Variants in SPOCK1 observed in about 807,000 individuals in gnomAD.
The protein encoded by SPOCK1 is SPARC (osteonectin), cwcv and kazal like domains proteoglycan 1.
In SPOCK1, 23 loss-of-function variants were observed where a neutral mutation model predicts 55.3. That is an observed-to-expected ratio of 0.42 (90% confidence interval 0.30 to 0.59). The LOEUF (loss-of-function observed/expected upper bound fraction) is 0.59, where lower values mean the gene tolerates loss of function less well. Among genes scored for constraint, SPOCK1 ranks in the 20% least tolerant of loss-of-function variants. The pLI is 0.22. For missense variants in SPOCK1, 499 were observed against 552.5 expected, an observed-to-expected ratio of 0.90 and a Z score of 0.97; for synonymous variants, 226 against 221.0, an observed-to-expected ratio of 1.02 and a Z score of -0.20.
intron 2 of SPOCK1, among the ~76,000 whole-genome samples, chr5:137,488,333 C>T (rs936036655): frequency 3.3e-5 from 5 of 151,954 alleles, no homozygotes; most frequent in African/African-American, 1.2e-4. Flanking sequence ...GCTGAGATCG[C>T]GCCACTGCAC....
At chr5:137,042,131 T>C (rs918367582) in intron 6 of SPOCK1, among the ~76,000 whole-genome samples, 1 of 152,210 alleles carries the variant, frequency 6.6e-6, no homozygotes, top group East Asian at 1.9e-4. Context: ...AAAAAATAAA[T>C]GAGCTATCAA....
At chr5:137,018,440 C>T (rs980494356) in intron 6 of SPOCK1, among the ~76,000 whole-genome samples, 1 of 152,172 alleles carries the variant, frequency 6.6e-6, no homozygotes, top group Non-Finnish European at 1.5e-5. Flanking sequence ...TTGCTGAAGC[C>T]TTCCTTTCCC....
chr5:137,058,772 G>T (rs1047718733), intron 6 of SPOCK1, among the ~76,000 whole-genome samples: 1 of 152,182 alleles, frequency 6.6e-6, no homozygotes, highest in African/African-American at 2.4e-5. Flanking sequence ...TGGCCCCATG[G>T]ATGTCTGGGG....
intron 2 of SPOCK1, among the ~76,000 whole-genome samples, chr5:137,496,595 C>T (rs182538052): frequency 1.3e-3 from 202 of 152,334 alleles, no homozygotes; most frequent in African/African-American, 4.6e-3. Flanking sequence ...AACTGCCCTG[C>T]TCTTCAACTC....
At chr5:137,035,851 G>T (rs181096519) in intron 6 of SPOCK1, among the ~76,000 whole-genome samples, 2 of 152,310 alleles carry the variant, frequency 1.3e-5, no homozygotes, top group Admixed American at 1.3e-4. Context: ...AGAGACCAAT[G>T]CCAAGATAGG....
chr5:137,330,011 T>TAA (rs1471831552), intron 2 of SPOCK1, among the ~76,000 whole-genome samples: 4 of 152,188 alleles, frequency 2.6e-5, no homozygotes, highest in African/African-American at 9.7e-5. Flanking sequence ...GCCATTATTA[T>TAA]ATGTCCCATG....
At chr5:137,441,339 C>T (rs1209575806) in intron 2 of SPOCK1, among the ~76,000 whole-genome samples, 1 of 152,228 alleles carries the variant, frequency 6.6e-6, no homozygotes, top group African/African-American at 2.4e-5. Flanking sequence ...ACCTCAGAGT[C>T]TCCTCAAGAC....
intron 2 of SPOCK1, among the ~76,000 whole-genome samples, chr5:137,327,383 A>C (rs1758099500): frequency 6.6e-6 from 1 of 152,220 alleles, no homozygotes; most frequent in African/African-American, 2.4e-5. Flanking sequence ...TATTTTTATA[A>C]TCTTATAAAC....
At chr5:137,213,820 C>T (rs1419806567) in intron 3 of SPOCK1, among the ~76,000 whole-genome samples, 1 of 152,204 alleles carries the variant, frequency 6.6e-6, no homozygotes, top group African/African-American at 2.4e-5. Context: ...TCTGGGGTTG[C>T]TGTTGTATAC....
intron 6 of SPOCK1, among the ~76,000 whole-genome samples, chr5:137,061,167 A>G (rs1478360863): frequency 6.6e-6 from 1 of 152,248 alleles, no homozygotes; most frequent in African/African-American, 2.4e-5. Context: ...CACAACGGGC[A>G]TTAAACAAAA....
chr5:137,397,320 C>T (rs1751872548), intron 2 of SPOCK1, among the ~76,000 whole-genome samples: 2 of 152,178 alleles, frequency 1.3e-5, no homozygotes, highest in South Asian at 4.1e-4. Context: ...GTGTGGATGC[C>T]AGTGGTGATG....
chr5:136,992,081 TCC>T (rs1008725127), intron 7 of SPOCK1, among the ~76,000 whole-genome samples: 10 of 152,232 alleles, frequency 6.6e-5, no homozygotes, highest in Non-Finnish European at 1.3e-4. Flanking sequence ...AACTGTTATC[TCC>T]ATAAACTGGG....
intron 6 of SPOCK1, among the ~76,000 whole-genome samples, chr5:136,993,735 A>G (rs1472053241): frequency 6.6e-6 from 1 of 152,184 alleles, no homozygotes; most frequent in East Asian, 1.9e-4. Flanking sequence ...AGGGCTCAGA[A>G]CCTACCAGTG....
At chr5:137,105,677 G>C (rs753193732) in intron 5 of SPOCK1, among the ~76,000 whole-genome samples, 9 of 152,246 alleles carry the variant, frequency 5.9e-5, no homozygotes, top group South Asian at 4.2e-4. Flanking sequence ...AATCTGCAGC[G>C]ACAATATGCT....
At chr5:137,124,417 C>T (rs1391875424) in intron 4 of SPOCK1, among the ~76,000 whole-genome samples, 2 of 152,168 alleles carry the variant, frequency 1.3e-5, no homozygotes, top group Non-Finnish European at 2.9e-5. Context: ...AGGCCTCAGG[C>T]AGCCCTGTTG....
intron 2 of SPOCK1, among the ~76,000 whole-genome samples, chr5:137,497,016 C>T (rs2149846847): frequency 6.6e-6 from 1 of 152,236 alleles, no homozygotes; most frequent in Middle Eastern, 3.4e-3. Context: ...TGATAAACCC[C>T]CACACAAAGC....
At chr5:137,093,740 G>T (rs577545487) in intron 5 of SPOCK1, among the ~76,000 whole-genome samples, 1 of 152,296 alleles carries the variant, frequency 6.6e-6, no homozygotes, top group South Asian at 2.1e-4. Flanking sequence ...GGAACGGGAT[G>T]TTCAAAACGC....
At chr5:137,172,679 T>C (rs1754776235) in intron 3 of SPOCK1, among the ~76,000 whole-genome samples, 1 of 152,154 alleles carries the variant, frequency 6.6e-6, no homozygotes, top group Admixed American at 6.5e-5. Flanking sequence ...GTTTCTAGTC[T>C]TAACTACACA....
At chr5:137,155,442 G>C (rs528841909) in intron 3 of SPOCK1, among the ~76,000 whole-genome samples, 26 of 152,108 alleles carry the variant, frequency 1.7e-4, no homozygotes, top group Non-Finnish European at 3.4e-4. Context: ...CTCTATTGTT[G>C]CCCAGTTAGC....
Sources: gnomAD v4.1 joint callset for allele counts (sites outside exome capture counted in the v4.1 genomes callset) on GRCh38, gnomAD v4.1.1 for gene constraint, MANE v1.5 for transcripts, NCBI Gene and HGNC (gene_info 2026-07-23, HGNC 2026-07-21) for gene names.